The following AGR3 variants were observed in gnomAD, a reference collection of about 807,000 sequenced individuals.
AGR3 encodes the protein anterior gradient 3, protein disulphide isomerase family member.
AGR3 carries 37 observed loss-of-function variants against 24.5 expected under a neutral mutation model. The observed-to-expected ratio is 1.51, with a 90% confidence interval of 1.16 to 1.99. AGR3 has a LOEUF of 1.99. AGR3 is among the 30% of genes most tolerant of loss of function. AGR3 has a pLI of 0.00. For synonymous variants in AGR3, 75 were observed against 61.6 expected, an observed-to-expected ratio of 1.22 and a Z score of -1.02; for missense variants, 228 against 191.1, an observed-to-expected ratio of 1.19 and a Z score of -1.14.
At chr7:16,875,139 A>C (rs1054854070) in intron 2 of AGR3, among the ~76,000 whole-genome samples, 2 of 152,046 alleles carry the variant, frequency 1.3e-5, no homozygotes, top group South Asian at 2.1e-4. Context: ...AAAGAAAAAA[A>C]GAAAATGTGT....
Position 16,860,528 on chromosome 7 carries a change from G to A in AGR3, c.423C>T (p.Tyr141=). 1 of 1,613,754 alleles carries A rather than the reference G, an allele frequency of 6.2e-7. No homozygotes were observed. Among genetic ancestry groups the A allele is most frequent in the African/African-American group, 1.3e-5 (1 of 75,028 alleles). ...DIAGRYSNRL[Y]TYEPRDLPLL... is the part of the protein sequence containing the mutation. Reference sequence around the variant, plus strand: ...GGGGTAAATCCCGAGGCTCATATGTGTACAATCTGTTAGAGTATCTTCCAG... The same window carrying A: ...GGGGTAAATCCCGAGGCTCATATGTATACAATCTGTTAGAGTATCTTCCAG... Residue 141 remains tyrosine, a synonymous_variant, in exon 7 of 8, where the codon TAC becomes TAT. Transcript: ENST00000310398.
intron 3 of AGR3, among the ~76,000 whole-genome samples, chr7:16,862,887 T>C (rs1781676781): frequency 6.6e-6 from 1 of 152,112 alleles, no homozygotes; most frequent in Non-Finnish European, 1.5e-5. Context: ...ATTCAAAGGC[T>C]CCGTTCCCAA....
At chr7:16,873,551 G>A in intron 3 of AGR3, 1 of 492,438 alleles carries the variant, frequency 2.0e-6, no homozygotes, top group Non-Finnish European at 3.7e-6. Context: ...GGTACATACA[G>A]TTAACAATAG....
chr7:16,860,332 G>A, intron 7 of AGR3, 168 bp downstream of exon 7: 1 of 564,778 alleles, frequency 1.8e-6, no homozygotes, highest in South Asian at 2.5e-5. Flanking sequence ...AGATTCTGAG[G>A]TACCCCCAAA....
At chr7:16,871,256 CT>C (rs1465850217) in intron 3 of AGR3, among the ~76,000 whole-genome samples, 4 of 152,210 alleles carry the variant, frequency 2.6e-5, no homozygotes, top group African/African-American at 9.6e-5. Flanking sequence ...TACTCAAAAG[CT>C]TGATTGAGTA....
intron 3 of AGR3, chr7:16,865,759 G>A (rs1781747165): frequency 5.3e-6 from 4 of 753,112 alleles, no homozygotes; most frequent in Non-Finnish European, 7.4e-6. Context: ...ACATATGGAA[G>A]CTTGATTCAG....
chr7:16,872,133 A>C (rs558191334), intron 3 of AGR3, among the ~76,000 whole-genome samples: 2 of 152,218 alleles, frequency 1.3e-5, no homozygotes, highest in African/African-American at 4.8e-5. Context: ...ACCACAACAG[A>C]CTCCAAATAG....
chr7:16,859,522 C>T lies in AGR3; in HGVS notation c.*60G>A. 8.7e-7 allele frequency: 1 copy of T among 1,154,508 alleles called. No individual in the cohort carries two copies. Among genetic ancestry groups the T allele is most frequent in the Non-Finnish European group, 1.3e-6 (1 of 799,746 alleles). The allele number at this position is 1,154,508 out of a possible 1,614,324, so 71.5% of individuals were successfully genotyped here. On this transcript the variant is annotated 3_prime_UTR_variant, in exon 8 of 8. Transcript: ENST00000310398. ...TGCACATTTAGTATTTGTCAATGTG[C>T]CAGAGGTTTTCTTCATGAAATTTGA...
At chr7:16,867,963 C>G (rs993710766) in intron 3 of AGR3, among the ~76,000 whole-genome samples, 3 of 152,134 alleles carry the variant, frequency 2.0e-5, no homozygotes, top group African/African-American at 7.2e-5. Flanking sequence ...AATGGCTGTA[C>G]TAATTTACAT....
At chr7:16,856,045 A>G (rs1781552368), downstream of AGR3, among the ~76,000 whole-genome samples, 2 of 152,148 alleles carry the variant, frequency 1.3e-5, no homozygotes, top group Admixed American at 1.3e-4. Flanking sequence ...GTAAAGCCTG[A>G]TGGTTCTACT....
intron 3 of AGR3, 109 bp downstream of exon 3, chr7:16,873,671 A>T: frequency 1.2e-6 from 1 of 821,516 alleles, no homozygotes; most frequent in Non-Finnish European, 2.0e-6. Flanking sequence ...TTTGATCACT[A>T]CACATTGTGT....
At chr7:16,868,528 T>A (rs1781804319) in intron 3 of AGR3, among the ~76,000 whole-genome samples, 1 of 152,196 alleles carries the variant, frequency 6.6e-6, no homozygotes, top group Admixed American at 6.5e-5. Context: ...ATTTTTGTTT[T>A]GTTATTGAGT....
At chr7:16,868,071 G>A (rs1291631314) in intron 3 of AGR3, among the ~76,000 whole-genome samples, 1 of 152,042 alleles carries the variant, frequency 6.6e-6, no homozygotes, top group Non-Finnish European at 1.5e-5. Flanking sequence ...AAAGGAGTGA[G>A]GTGGTATTTC....
intron 3 of AGR3, among the ~76,000 whole-genome samples, chr7:16,867,108 A>G (rs1404594513): frequency 6.6e-6 from 1 of 152,072 alleles, no homozygotes; most frequent in Non-Finnish European, 1.5e-5. Flanking sequence ...CCCCTATTCC[A>G]AGCATTTAAA....
intron 3 of AGR3, among the ~76,000 whole-genome samples, chr7:16,866,567 A>G (rs781724137): frequency 8.5e-5 from 13 of 152,172 alleles, no homozygotes; most frequent in Non-Finnish European, 1.8e-4. Flanking sequence ...ACCAATTCAT[A>G]TTCTCTCTGG....
At chr7:16,877,139 A>C (rs530886112) in intron 2 of AGR3, among the ~76,000 whole-genome samples, 2 of 151,540 alleles carry the variant, frequency 1.3e-5, no homozygotes, top group African/African-American at 2.4e-5. Flanking sequence ...CTTGGCTGGC[A>C]CTCAATACAT....
chr7:16,857,781 A>G (rs926162856), downstream of AGR3, among the ~76,000 whole-genome samples: 2 of 152,182 alleles, frequency 1.3e-5, no homozygotes, highest in Non-Finnish European at 2.9e-5. Flanking sequence ...AAGCTTGCTT[A>G]AAATTAACAG....
At chr7:16,865,082 T>C in intron 3 of AGR3, 1 of 770,822 alleles carries the variant, frequency 1.3e-6, no homozygotes, top group Admixed American at 1.8e-5. Flanking sequence ...CTGTTAAAGA[T>C]GCTCTTTTAC....
At chr7:16,878,134 G>T (rs1782026487) in intron 2 of AGR3, among the ~76,000 whole-genome samples, 1 of 150,944 alleles carries the variant, frequency 6.6e-6, no homozygotes, top group African/African-American at 2.4e-5. Flanking sequence ...TTTTTTGGAG[G>T]ACTGGGAAAT....
Sources: gnomAD v4.1 joint callset for allele counts (sites outside exome capture counted in the v4.1 genomes callset) on GRCh38, gnomAD v4.1.1 for gene constraint, MANE v1.5 for transcripts, NCBI Gene and HGNC (gene_info 2026-07-23, HGNC 2026-07-21) for gene names.